The following ETS1 variants were observed in gnomAD, a reference collection of about 807,000 sequenced individuals.
ETS1 encodes ETS proto-oncogene 1, transcription factor.
In ETS1, 15 loss-of-function variants were observed where a neutral mutation model predicts 58.6. The observed-to-expected ratio is 0.26, with a 90% CI of 0.17 to 0.39. The LOEUF (loss-of-function observed/expected upper bound fraction) is 0.39. Ranked by LOEUF, ETS1 falls within the 10% of genes least tolerant of loss-of-function variation. The pLI is 1.00. For missense variants in ETS1, 417 were observed against 610.5 expected (o/e 0.68, Z 3.34); for synonymous variants, 214 against 218.2 (o/e 0.98, Z 0.17).
intron 1 of ETS1, among the ~76,000 whole-genome samples, chr11:128,577,410 C>G (rs1006370296): frequency 3.9e-5 from 6 of 152,172 alleles, no homozygotes; most frequent in African/African-American, 9.7e-5. Context: ...ACTCTGACAC[C>G]TAGGTGTTTG....
chr11:128,560,111 C>T (rs865801196), intron 2 of ETS1, among the ~76,000 whole-genome samples: 1 of 152,088 alleles, frequency 6.6e-6, no homozygotes, highest in African/African-American at 2.4e-5. Context: ...GAGATGGTCT[C>T]CTTTTTTTTT....
At chr11:128,466,907 A>G (rs958671152) in intron 8 of ETS1, among the ~76,000 whole-genome samples, 1 of 152,108 alleles carries the variant, frequency 6.6e-6, no homozygotes, top group African/African-American at 2.4e-5. Flanking sequence ...CATAACAGAG[A>G]TGTCAGTTCC....
chr11:128,469,595 A>C lies in ETS1; in HGVS notation c.1124-5968T>G, dbSNP rs1308686970. Among the ~76,000 whole-genome samples, 3 of 152,316 alleles carry C rather than the reference A, an allele frequency of 2.0e-5. No homozygotes were observed. The East Asian group carries it at 5.8e-4, about 29-fold the overall frequency. On this transcript the variant is annotated intron_variant, in intron 8 of 9. Transcript: ENST00000392668. ...AAGGCCCCTAAATCTCCTGATTTCC[A>C]TTAAGTTTAAGGACAAAACAGAAAA...
intron 2 of ETS1, 108 bp from the exon 3 acceptor site, chr11:128,556,543 C>T: frequency 1.4e-6 from 1 of 716,848 alleles, no homozygotes; most frequent in African/African-American, 1.8e-5. Context: ...TAAGAATCAT[C>T]TATAGATGAT....
intron 3 of ETS1, among the ~76,000 whole-genome samples, chr11:128,504,504 G>A (rs1214737036): frequency 6.6e-6 from 1 of 152,254 alleles, no homozygotes; most frequent in Non-Finnish European, 1.5e-5. Context: ...AAAGTGGAGA[G>A]AAGGAGGAGC....
At chr11:128,466,793 C>T (rs1862049577) in intron 8 of ETS1, among the ~76,000 whole-genome samples, 1 of 151,726 alleles carries the variant, frequency 6.6e-6, no homozygotes, top group African/African-American at 2.4e-5. Context: ...TGTTTACACC[C>T]AAGGAAAGAG....
intron 3 of ETS1, among the ~76,000 whole-genome samples, chr11:128,545,379 A>G (rs1864118448): frequency 6.6e-6 from 1 of 152,324 alleles, no homozygotes; most frequent in South Asian, 2.1e-4. Flanking sequence ...CAAAATGTGT[A>G]TGGTGGTTAA....
intron 3 of ETS1, among the ~76,000 whole-genome samples, chr11:128,500,994 C>G (rs1364087327): frequency 3.9e-5 from 6 of 152,226 alleles, no homozygotes; most frequent in Non-Finnish European, 4.4e-5. Context: ...GAGTTTAAAT[C>G]TGCCTTCTTA....
intron 3 of ETS1, among the ~76,000 whole-genome samples, chr11:128,535,887 G>A (rs1355227818): frequency 6.6e-6 from 1 of 152,196 alleles, no homozygotes; most frequent in African/African-American, 2.4e-5. Context: ...AATTGTATCA[G>A]TAAGAGTTTG....
At chr11:128,516,485 T>C (rs1741636580) in intron 3 of ETS1, among the ~76,000 whole-genome samples, 2 of 152,110 alleles carry the variant, frequency 1.3e-5, no homozygotes, top group African/African-American at 4.8e-5. Flanking sequence ...CATATACAAA[T>C]TCCTCTCTGC....
chr11:128,486,561 T>C (rs753481983), intron 5 of ETS1, among the ~76,000 whole-genome samples: 1 of 152,228 alleles, frequency 6.6e-6, no homozygotes. Context: ...CTCAAAAATA[T>C]ATTGCAGTCT....
chr11:128,493,613 G>C (rs1862861236), intron 3 of ETS1, among the ~76,000 whole-genome samples: 1 of 152,218 alleles, frequency 6.6e-6, no homozygotes, highest in Admixed American at 6.5e-5. Context: ...GACTTGATCA[G>C]CTCCAGAGAA....
At chr11:128,486,642 T>G (rs755418732) in intron 5 of ETS1, among the ~76,000 whole-genome samples, 1 of 152,216 alleles carries the variant, frequency 6.6e-6, no homozygotes, top group Non-Finnish European at 1.5e-5. Context: ...TTTTTCCCAT[T>G]GCCCTCAGGT....
intron 2 of ETS1, among the ~76,000 whole-genome samples, chr11:128,562,655 G>A (rs1864422524): frequency 6.6e-6 from 1 of 152,200 alleles, no homozygotes; most frequent in Non-Finnish European, 1.5e-5. Context: ...CTGGAAACTA[G>A]TTGGACAATG....
At chr11:128,561,068 C>T (rs80205147) in intron 2 of ETS1, among the ~76,000 whole-genome samples, 17 of 152,166 alleles carry the variant, frequency 1.1e-4, no homozygotes, top group South Asian at 4.1e-4. Flanking sequence ...GAGAGAAAGA[C>T]GGTGTTGTTT....
intron 1 of ETS1, among the ~76,000 whole-genome samples, chr11:128,577,778 A>C (rs993269449): frequency 6.6e-6 from 1 of 152,170 alleles, no homozygotes; most frequent in Non-Finnish European, 1.5e-5. Flanking sequence ...GATGCTGCTT[A>C]GCTGGGGAGT....
chr11:128,534,566 A>G (rs577225277), intron 3 of ETS1, among the ~76,000 whole-genome samples: 23 of 151,862 alleles, frequency 1.5e-4, no homozygotes, highest in Non-Finnish European at 2.9e-4. Context: ...ATTTATCCTG[A>G]TTTTCTCTTT....
chr11:128,575,126 G>T (rs1864717494), intron 1 of ETS1, among the ~76,000 whole-genome samples: 1 of 152,166 alleles, frequency 6.6e-6, no homozygotes, highest in African/African-American at 2.4e-5. Context: ...AAACCCTCCA[G>T]TGGAGGCCTG....
intron 5 of ETS1, among the ~76,000 whole-genome samples, 169 bp from the exon 6 acceptor site, chr11:128,486,315 A>G (rs1862630365): frequency 1.3e-5 from 2 of 152,216 alleles, no homozygotes; most frequent in African/African-American, 4.8e-5. Flanking sequence ...GGCCTTGTCT[A>G]AAGATGAGAT....
Sources: gnomAD v4.1 joint callset for allele counts (sites outside exome capture counted in the v4.1 genomes callset) on GRCh38, gnomAD v4.1.1 for gene constraint, MANE v1.5 for transcripts, NCBI Gene and HGNC (gene_info 2026-07-23, HGNC 2026-07-21) for gene names.